Variants in WWP1 observed in about 807,000 individuals in gnomAD.
WWP1 encodes WW domain containing E3 ubiquitin protein ligase 1.
A neutral mutation model predicts 130.6 loss-of-function variants in WWP1; 49 were observed. The ratio of observed to expected loss-of-function variants is 0.38; its 90% CI spans 0.30 to 0.48. WWP1 has a LOEUF of 0.48. Among genes scored for constraint, WWP1 ranks in the 20% least tolerant of loss-of-function variants. The probability of loss-of-function intolerance (pLI) is 0.99; values close to 1 mark genes in which losing one functional copy is unlikely to be tolerated. For missense variants in WWP1, 809 were observed against 1,100.6 expected, an observed-to-expected ratio of 0.74 and a Z score of 3.75; for synonymous variants, 332 against 367.8, an observed-to-expected ratio of 0.90 and a Z score of 1.11.
In WWP1 at chr8:86,427,745, T is replaced by C; in HGVS notation, c.1260T>C (p.Phe420=). 1.2e-6 allele frequency: 2 copies of C among 1,614,084 alleles called. No homozygotes were observed. The highest frequency in any genetic ancestry group is 8.5e-7 in the Non-Finnish European group (1 of 1,179,958). ...QRPTMESVRN[F]EQWQSQRNQL... ...CTACCATGGAATCTGTCCGAAATTT[T>C]GAACAGTGGCAATCTCAGCGGAACC... The change falls in exon 11 of 25, where the codon TTT becomes TTC. Residue 420 remains phenylalanine, a synonymous_variant. Coordinates refer to ENST00000517970, the MANE Select transcript of WWP1 (RefSeq NM_007013.4).
At chr8:86,413,971 A>G (rs1808729670) in intron 9 of WWP1, among the ~76,000 whole-genome samples, 1 of 152,216 alleles carries the variant, frequency 6.6e-6, no homozygotes, top group Non-Finnish European at 1.5e-5. Flanking sequence ...AGTTCAAAAC[A>G]GTAAGTACAT....
intron 8 of WWP1, chr8:86,405,048 C>T (rs1406065030): frequency 6.6e-6 from 1 of 152,232 alleles, no homozygotes; most frequent in Admixed American, 6.5e-5. Flanking sequence ...CCGGAACCTG[C>T]TCTGTTGGTA....
chr8:86,443,611 A>G (rs1320978302), intron 18 of WWP1, among the ~76,000 whole-genome samples: 3 of 152,216 alleles, frequency 2.0e-5, no homozygotes, highest in Non-Finnish European at 4.4e-5. Flanking sequence ...AAGAATACAC[A>G]GTCCCTGCTC....
chr8:86,403,157 AT>A, intron 8 of WWP1, among the ~76,000 whole-genome samples: 1 of 152,326 alleles, frequency 6.6e-6, no homozygotes, highest in African/African-American at 2.4e-5. Flanking sequence ...CATGTTGGGA[AT>A]TAAGTTGAAA....
At chr8:86,362,097 T>TACACATATATACACACATATATATAC (rs1563465623) in intron 1 of WWP1, among the ~76,000 whole-genome samples, 8 of 137,590 alleles carry the variant, frequency 5.8e-5, no homozygotes, top group African/African-American at 2.0e-4. Context: ...CATATATATA[T>TACACATATATACACACATATATATAC]ACACTAGGCA....
intron 17 of WWP1, 152 bp from the exon 18 acceptor site, chr8:86,442,467 T>C: frequency 1.6e-6 from 1 of 623,868 alleles, no homozygotes; most frequent in Non-Finnish European, 2.4e-6. Flanking sequence ...AGCCAGATCA[T>C]AGAAGAACTT....
At chr8:86,414,980 G>A (rs1808812231) in intron 9 of WWP1, among the ~76,000 whole-genome samples, 2 of 149,318 alleles carry the variant, frequency 1.3e-5, no homozygotes, top group African/African-American at 4.9e-5. Flanking sequence ...CTTAGGGTAG[G>A]AGAGTGATGA....
intron 1 of WWP1, among the ~76,000 whole-genome samples, chr8:86,357,326 A>G (rs1259624877): frequency 4.6e-5 from 7 of 152,154 alleles, no homozygotes; most frequent in Admixed American, 4.6e-4. Flanking sequence ...TTTCTACATG[A>G]GTCTTTACAC....
At chr8:86,434,279 A>G (rs1810160580) in intron 14 of WWP1, among the ~76,000 whole-genome samples, 1 of 152,332 alleles carries the variant, frequency 6.6e-6, no homozygotes, top group South Asian at 2.1e-4. Context: ...AAATGGCCTT[A>G]CAGGATCTGA....
chr8:86,450,947 C>A (rs1811137607), intron 20 of WWP1, among the ~76,000 whole-genome samples: 1 of 151,850 alleles, frequency 6.6e-6, no homozygotes, highest in East Asian at 1.9e-4. Context: ...GCTGGTGGCT[C>A]CTGCCTGTAA....
At chr8:86,431,268 C>A (rs1351147336) in intron 12 of WWP1, 138 bp from the exon 13 acceptor site, 2 of 171,984 alleles carry the variant, frequency 1.2e-5, no homozygotes, top group Non-Finnish European at 1.2e-5. Flanking sequence ...ATAATATATT[C>A]TATAATATAT....
intron 14 of WWP1, 119 bp downstream of exon 14, chr8:86,431,862 C>A: frequency 7.8e-7 from 1 of 1,289,240 alleles, no homozygotes; most frequent in Non-Finnish European, 1.1e-6. Flanking sequence ...AAAACCTACA[C>A]AAGTGAAACC....
At chr8:86,458,853 C>T (rs535249242) in intron 22 of WWP1, among the ~76,000 whole-genome samples, 25 of 152,112 alleles carry the variant, frequency 1.6e-4, no homozygotes, top group Middle Eastern at 3.4e-3. Flanking sequence ...TATACTTCAA[C>T]GTGTGTAAAG....
rs79786788 is a variant in WWP1, at chr8:86,405,499, A to G, written c.724+3296A>G. ...TGTGGCCCCTAAACCTCCTCCAGGC[A>G]TAGTGTAATATACAATATATATGCC... On this transcript the variant is annotated intron_variant, in intron 8 of 24. Transcript: ENST00000517970. Among the ~76,000 whole-genome samples the G allele has an allele frequency of 8.2e-3, 1,241 of 152,232 alleles. 43 individuals carry two copies. In the East Asian group the frequency reaches 0.099, roughly 12 times the overall value.
At chr8:86,389,793 C>G (rs1000972388) in intron 5 of WWP1, among the ~76,000 whole-genome samples, 2 of 149,302 alleles carry the variant, frequency 1.3e-5, no homozygotes, top group South Asian at 2.1e-4. Context: ...GAGGCCGCCC[C>G]CCACCTCCCT....
chr8:86,400,819 G>C (rs780600206), intron 7 of WWP1, among the ~76,000 whole-genome samples: 1 of 152,206 alleles, frequency 6.6e-6, no homozygotes, highest in Non-Finnish European at 1.5e-5. Context: ...TTAGAGAGAA[G>C]ATGGGATAAA....
rs1026966340 is a variant in WWP1 at position 86,373,994 on chromosome 8, T to C, written c.-21-36T>C. ...ATATCTTGAAAATTACAAACTCTTA[T>C]CTAACACATGAATAAATTCCCCTTT... On this transcript the variant is annotated intron_variant, in intron 2 of 24. Coordinates refer to ENST00000517970, the MANE Select transcript of WWP1 (RefSeq NM_007013.4). The C allele has an allele frequency of 6.1e-6, 9 of 1,485,058 alleles. No homozygotes were observed. The East Asian group carries it at 1.2e-4, about 19-fold the overall frequency. 92.0% of individuals were successfully genotyped at this position (1,485,058 alleles called of 1,614,324 possible). A position where few individuals can be genotyped will look rare whatever the true frequency, so the allele number is the denominator to read the frequency against.
At chr8:86,424,850 G>GAGCGGA (rs1467477987) in intron 9 of WWP1, among the ~76,000 whole-genome samples, 2 of 118,042 alleles carry the variant, frequency 1.7e-5, no homozygotes. Context: ...GAGGGGAGGG[G>GAGCGGA]AGGGGGAGGG....
At chr8:86,380,495 G>T (rs1213388218) in intron 3 of WWP1, among the ~76,000 whole-genome samples, 2 of 152,152 alleles carry the variant, frequency 1.3e-5, no homozygotes, top group Non-Finnish European at 2.9e-5. Context: ...GAATTGTACA[G>T]TTTAAGTGGG....
Sources: gnomAD v4.1 joint callset for allele counts (sites outside exome capture counted in the v4.1 genomes callset) on GRCh38, gnomAD v4.1.1 for gene constraint, MANE v1.5 for transcripts, NCBI Gene and HGNC (gene_info 2026-07-23, HGNC 2026-07-21) for gene names.